Variants in WDPCP observed in about 807,000 individuals in gnomAD.
The protein encoded by WDPCP is WD repeat-containing and planar cell polarity effector protein fritz homolog.
In WDPCP, 71 loss-of-function variants were observed where a neutral mutation model predicts 93.1. The observed-to-expected ratio is 0.76, with a 90% CI of 0.63 to 0.93. WDPCP has a LOEUF of 0.93. WDPCP is among the 40% of genes least tolerant of loss of function. The pLI is 0.00. For synonymous variants in WDPCP, 315 were observed against 315.0 expected, an observed-to-expected ratio of 1.00 and a Z score of 0.00; for missense variants, 844 against 887.4, an observed-to-expected ratio of 0.95 and a Z score of 0.62.
the WDPCP span, among the ~76,000 whole-genome samples, chr2:63,840,447 T>C: frequency 6.6e-6 from 1 of 152,136 alleles, no homozygotes; most frequent in Non-Finnish European, 1.5e-5. Context: ...ACCGGGGCAA[T>C]GGGGATGGTG....
intron 13 of WDPCP, among the ~76,000 whole-genome samples, chr2:63,275,392 C>T (rs187376271): frequency 6.6e-6 from 1 of 152,144 alleles, no homozygotes; most frequent in Non-Finnish European, 1.5e-5. Flanking sequence ...AAAAGGATGC[C>T]CACTTACACC....
chr2:63,278,262 G>A (rs939396448), intron 13 of WDPCP, among the ~76,000 whole-genome samples: 14 of 152,100 alleles, frequency 9.2e-5, no homozygotes, highest in African/African-American at 2.7e-4. Context: ...CAGCAAAAGC[G>A]GTGCTAAGAG....
chr2:63,363,415 T>G (rs1690642412), intron 12 of WDPCP, among the ~76,000 whole-genome samples: 2 of 152,026 alleles, frequency 1.3e-5, no homozygotes, highest in Admixed American at 1.3e-4. Context: ...CTGGGCAACA[T>G]GGTGAAACCC....
chr2:63,423,888 C>G (rs1325352389), intron 9 of WDPCP, among the ~76,000 whole-genome samples: 1 of 152,124 alleles, frequency 6.6e-6, no homozygotes, highest in Non-Finnish European at 1.5e-5. Context: ...GGACGTACCT[C>G]TACCACTGAG....
At chr2:63,305,747 A>C (rs1341040322) in intron 13 of WDPCP, among the ~76,000 whole-genome samples, 1 of 152,208 alleles carries the variant, frequency 6.6e-6, no homozygotes, top group African/African-American at 2.4e-5. Flanking sequence ...GGGTAATAAC[A>C]AACTCCACCG....
intron 3 of WDPCP, among the ~76,000 whole-genome samples, chr2:63,632,618 G>T (rs1016913562): frequency 6.6e-6 from 1 of 152,160 alleles, no homozygotes; most frequent in South Asian, 2.1e-4. Context: ...ACTTGAACAA[G>T]TGGAGGGGAA....
intron 15 of WDPCP, among the ~76,000 whole-genome samples, chr2:63,164,721 C>T (rs1672846392): frequency 6.6e-6 from 1 of 152,042 alleles, no homozygotes; most frequent in Non-Finnish European, 1.5e-5. Context: ...CTTTATTACA[C>T]ACAAATGTGT....
chr2:63,696,536 C>A (rs1668963067), intron 2 of WDPCP, among the ~76,000 whole-genome samples: 1 of 152,158 alleles, frequency 6.6e-6, no homozygotes, highest in Non-Finnish European at 1.5e-5. Flanking sequence ...AGGAATAGAG[C>A]TCCAAGAGAA....
chr2:63,753,198 G>A (rs901786887), intron 2 of WDPCP, among the ~76,000 whole-genome samples: 1 of 152,116 alleles, frequency 6.6e-6, no homozygotes, highest in South Asian at 2.1e-4. Context: ...TTAGGAGGCC[G>A]AGGCGGGCGG....
chr2:63,409,372 C>T (rs748121184), intron 9 of WDPCP, among the ~76,000 whole-genome samples: 4 of 152,142 alleles, frequency 2.6e-5, no homozygotes, highest in Non-Finnish European at 5.9e-5. Flanking sequence ...CAAGAGAACA[C>T]GCAGAGGGAC....
At chr2:63,430,178 C>T (rs938817334) in intron 9 of WDPCP, among the ~76,000 whole-genome samples, 3 of 151,936 alleles carry the variant, frequency 2.0e-5, no homozygotes, top group African/African-American at 7.3e-5. Context: ...TGGGTATACA[C>T]GGACATAAAG....
chr2:63,559,088 T>C (rs142978097), intron 1 of WDPCP, among the ~76,000 whole-genome samples: 2,451 of 152,228 alleles, frequency 0.016, 76 homozygotes, highest in African/African-American at 0.056. Flanking sequence ...TCCACCACGA[T>C]CAAGTCAGCT....
intron 6 of WDPCP, among the ~76,000 whole-genome samples, chr2:63,451,547 C>T (rs1362592939): frequency 6.6e-6 from 1 of 152,142 alleles, no homozygotes; most frequent in Non-Finnish European, 1.5e-5. Context: ...CCTTCTGAAA[C>T]TATTCCAATC....
At chr2:63,480,883 G>C (rs181650142) in intron 6 of WDPCP, among the ~76,000 whole-genome samples, 1 of 151,938 alleles carries the variant, frequency 6.6e-6, no homozygotes, top group African/African-American at 2.4e-5. Flanking sequence ...AAGATAAATA[G>C]CTGGGACCTA....
intron 12 of WDPCP, among the ~76,000 whole-genome samples, chr2:63,355,928 T>C (rs1442580520): frequency 6.6e-6 from 1 of 151,996 alleles, no homozygotes; most frequent in African/African-American, 2.4e-5. Context: ...ATATCAATAC[T>C]AACTTTGAAT....
At chr2:63,434,315 A>G (rs1353722178) in intron 8 of WDPCP, among the ~76,000 whole-genome samples, 1 of 152,198 alleles carries the variant, frequency 6.6e-6, no homozygotes, top group Non-Finnish European at 1.5e-5. Context: ...GAGTCTCACT[A>G]CTGTTTAAGA....
At chr2:63,384,180 T>A (rs2104927957) in intron 10 of WDPCP, among the ~76,000 whole-genome samples, 1 of 152,052 alleles carries the variant, frequency 6.6e-6, no homozygotes, top group Admixed American at 6.6e-5. Context: ...ATAAAGACAG[T>A]AAATAGTAAA....
intron 1 of WDPCP, among the ~76,000 whole-genome samples, chr2:63,527,246 G>C (rs1215786304): frequency 1.2e-4 from 17 of 144,840 alleles, no homozygotes; most frequent in African/African-American, 4.4e-4. Flanking sequence ...TTTACTTTAA[G>C]TTCTAGGGTA....
chr2:63,465,887 T>C (rs761348697), intron 6 of WDPCP, among the ~76,000 whole-genome samples: 3 of 152,190 alleles, frequency 2.0e-5, no homozygotes, highest in Non-Finnish European at 4.4e-5. Context: ...AACTCTGAAC[T>C]ATCTGGGGCT....
Sources: allele counts gnomAD v4.1 joint callset (sites outside exome capture counted in the v4.1 genomes callset), GRCh38; gene constraint gnomAD v4.1.1; transcripts MANE v1.5; gene names NCBI Gene and HGNC (gene_info 2026-07-23, HGNC 2026-07-21).